Variants in NADK2 observed in about 807,000 individuals in gnomAD.
NADK2 encodes NAD kinase domain-containing protein 1, mitochondrial.
A neutral mutation model predicts 62.1 loss-of-function variants in NADK2; 35 were observed. That is an observed-to-expected ratio of 0.56 (90% confidence interval 0.43 to 0.75). The LOEUF (loss-of-function observed/expected upper bound fraction) is 0.75. Among genes scored for constraint, NADK2 ranks in the 30% least tolerant of loss-of-function variants. The pLI is 0.00. For synonymous variants in NADK2, 205 were observed against 207.9 expected (o/e 0.99, Z 0.12); for missense variants, 439 against 561.3 (o/e 0.78, Z 2.20).
intron 7 of NADK2, among the ~76,000 whole-genome samples, chr5:36,210,299 G>A (rs970468311): frequency 1.3e-5 from 2 of 152,068 alleles, no homozygotes; most frequent in African/African-American, 4.8e-5. Context: ...CCACAAAAAT[G>A]TTTTCCAAAA....
At chr5:36,238,474 A>AT (rs932462915) in intron 1 of NADK2, among the ~76,000 whole-genome samples, 11 of 152,248 alleles carry the variant, frequency 7.2e-5, no homozygotes. Flanking sequence ...CTACATTAAA[A>AT]TTTTTTTTCC....
chr5:36,231,327 A>G (rs554258325), intron 1 of NADK2, among the ~76,000 whole-genome samples: 13 of 152,338 alleles, frequency 8.5e-5, no homozygotes, highest in Non-Finnish European at 1.3e-4. Context: ...TTCCAAATCT[A>G]AATACAAAGT....
At position 36,199,070 on chromosome 5, in the gene NADK2, A is replaced by G. The variant is rs553648821; in HGVS notation, c.1066+1157T>C. Among the ~76,000 whole-genome samples, 417 of 151,880 alleles carry G rather than the reference A, an allele frequency of 2.7e-3. 10 individuals are homozygous for G. The highest frequency in any genetic ancestry group is 0.027 in the Admixed American group (404 of 15,166). The stretch of plus-strand genomic sequence containing the variant: ...CTGTTGTGGGGTAGGGGGTGGGGGG[A>G]GGAATAGCATTAGGAGATATACCTA... On this transcript the variant is annotated intron_variant, in intron 10 of 11. Transcript: ENST00000381937.
chr5:36,207,584 T>C (rs1746689211), intron 7 of NADK2, among the ~76,000 whole-genome samples: 1 of 152,126 alleles, frequency 6.6e-6, no homozygotes, highest in African/African-American at 2.4e-5. Context: ...ATCTAACATA[T>C]ACAGAGCCTC....
At chr5:36,236,232 G>C (rs1182463747) in intron 1 of NADK2, among the ~76,000 whole-genome samples, 2 of 152,098 alleles carry the variant, frequency 1.3e-5, no homozygotes, top group Non-Finnish European at 2.9e-5. Context: ...GAAGCATGTT[G>C]GTCAATGATT....
intron 1 of NADK2, among the ~76,000 whole-genome samples, chr5:36,237,912 G>GTGTCTGCAT (rs1394095876): frequency 6.6e-6 from 1 of 152,136 alleles, no homozygotes; most frequent in African/African-American, 2.4e-5. Flanking sequence ...TAAGGTTCAG[G>GTGTCTGCAT]TGTCTGCATT....
chr5:36,227,798 A>T (rs1579631110), intron 1 of NADK2, among the ~76,000 whole-genome samples: 2 of 151,724 alleles, frequency 1.3e-5, no homozygotes, highest in African/African-American at 4.8e-5. Context: ...AGTCACCAGG[A>T]TCTCAAAATC....
rs1345011753 is a variant in NADK2, at chr5:36,209,829, G to A, written c.860+2015C>T. On this transcript the variant is annotated intron_variant, in intron 7 of 11. Transcript: ENST00000381937. ...TGTTATTCATCTTTACATCCCTAGT[G>A]ACTCACATATTACACATAGCACATG... is the stretch of plus-strand genomic sequence containing the variant. Among the ~76,000 whole-genome samples, 9 of 152,106 alleles carry A rather than the reference G, an allele frequency of 5.9e-5. No homozygotes were observed. The East Asian group carries it at 1.7e-3, about 29-fold the overall frequency.
intron 1 of NADK2, among the ~76,000 whole-genome samples, chr5:36,235,052 G>A (rs1330369516): frequency 6.6e-6 from 1 of 152,122 alleles, no homozygotes; most frequent in Non-Finnish European, 1.5e-5. Flanking sequence ...ACGGTTTTGT[G>A]AACAAATATT....
At chr5:36,202,122 C>T (rs1746473140) in intron 8 of NADK2, among the ~76,000 whole-genome samples, 1 of 151,956 alleles carries the variant, frequency 6.6e-6, no homozygotes, top group South Asian at 2.1e-4. Context: ...CTTATACCTG[C>T]TAACCCTGTA....
At position 36,193,575 on chromosome 5, in the gene NADK2, A is replaced by T. The variant is rs902615828; in HGVS notation, c.*1569T>A. The T allele has an allele frequency of 1.3e-5, 2 of 152,004 alleles. No homozygotes were observed. Among genetic ancestry groups the T allele is most frequent in the Admixed American group, 1.3e-4 (2 of 15,266 alleles). 9.4% of individuals were successfully genotyped at this position (152,004 alleles called of 1,614,324 possible). A position where few individuals can be genotyped will look rare whatever the true frequency, so the allele number is the denominator to read the frequency against. On this transcript the variant is annotated 3_prime_UTR_variant, in exon 12 of 12. Transcript: ENST00000381937. ...AGTGGTATCTTATGTATATCAAAAA[A>T]AAAAAGCCAGATCAATCTCTGGGAA...
chr5:36,200,353 A>G lies in NADK2; in HGVS notation c.1013-73T>C, dbSNP rs569795157. On this transcript the variant is annotated intron_variant, in intron 9 of 11. Transcript: ENST00000381937. ...CTTATATATATATTTTCCTTGAAAAAGGGGGAAAAATGCTTAAAGTGTATA... is the reference window on the plus strand; with the variant it reads ...CTTATATATATATTTTCCTTGAAAAGGGGGGAAAAATGCTTAAAGTGTATA... The G allele has an allele frequency of 1.2e-3, 1,123 of 941,882 alleles. 2 individuals carry two copies. Among genetic ancestry groups the G allele is most frequent in the Non-Finnish European group, 1.5e-3 (1,018 of 689,616 alleles). 58.3% of individuals were successfully genotyped at this position (941,882 alleles called of 1,614,324 possible). A position where few individuals can be genotyped will look rare whatever the true frequency, so the allele number is the denominator to read the frequency against.
At position 36,216,278 on chromosome 5, in the gene NADK2, ATTAT is replaced by A. The variant is rs140981139; in HGVS notation, c.781+1466_781+1469del. Among the ~76,000 whole-genome samples, 1,832 of 151,806 alleles carry A rather than the reference ATTAT, an allele frequency of 0.012. 146 individuals carry two copies. In the East Asian group the frequency reaches 0.21, roughly 17 times the overall value. ...AGAGACTTTCCCACTTTTTAATGAG[ATTAT>A]TTGTTTGTTTGTTGTCTGAATTTCT... On this transcript the variant is annotated intron_variant, in intron 6 of 11. Transcript: ENST00000381937.
intron 8 of NADK2, among the ~76,000 whole-genome samples, chr5:36,206,295 T>TA (rs1554008016): frequency 5.4e-5 from 1 of 18,448 alleles, no homozygotes; most frequent in Non-Finnish European, 4.1e-4. Context: ...AGTATAATAA[T>TA]AATTTTTTTT....
intron 6 of NADK2, among the ~76,000 whole-genome samples, chr5:36,212,774 G>C (rs1746898429): frequency 6.6e-6 from 1 of 152,160 alleles, no homozygotes; most frequent in Non-Finnish European, 1.5e-5. Context: ...CTAAGTTAAT[G>C]TTTAAAAATC....
intron 4 of NADK2, among the ~76,000 whole-genome samples, chr5:36,223,286 C>T (rs1291455114): frequency 6.6e-6 from 1 of 151,882 alleles, no homozygotes; most frequent in African/African-American, 2.4e-5. Context: ...AAAATAATCA[C>T]GCTGGCTGCA....
rs1746076095 is a variant in NADK2, at chr5:36,193,064, T to C, written c.*2080A>G. On this transcript the variant is annotated 3_prime_UTR_variant, in exon 12 of 12. Coordinates refer to ENST00000381937, the MANE Select transcript of NADK2 (RefSeq NM_001085411.3). ...CACAATAAGTATTTTTAAAACCTTT[T>C]AAAATATGGCTTATAATTTTACACA... The C allele has an allele frequency of 6.6e-6, 1 of 152,232 alleles. No homozygotes were observed. The highest frequency in any genetic ancestry group is 1.5e-5 in the Non-Finnish European group (1 of 68,036). The allele number at this position is 152,232 out of a possible 1,614,324, so 9.4% of individuals were successfully genotyped here. A position where few individuals can be genotyped will look rare whatever the true frequency, so the allele number is the denominator to read the frequency against.
intron 9 of NADK2, 100 bp downstream of exon 9, chr5:36,201,006 G>A: frequency 1.1e-6 from 1 of 914,920 alleles, no homozygotes; most frequent in Non-Finnish European, 1.8e-6. Flanking sequence ...CATAGTATAA[G>A]GGTTTGGTAG....
intron 4 of NADK2, among the ~76,000 whole-genome samples, chr5:36,224,105 G>C (rs906974431): frequency 6.6e-6 from 1 of 152,156 alleles, no homozygotes; most frequent in Non-Finnish European, 1.5e-5. Flanking sequence ...GAATGGGGAA[G>C]AGAGATGAGT....
Sources: allele counts gnomAD v4.1 joint callset (sites outside exome capture counted in the v4.1 genomes callset), GRCh38; gene constraint gnomAD v4.1.1; transcripts MANE v1.5; gene names NCBI Gene and HGNC (gene_info 2026-07-23, HGNC 2026-07-21).